CORO1C: variants seen among roughly 807,000 people sequenced by gnomAD.
CORO1C encodes the protein coronin 1C.
CORO1C carries 14 observed loss-of-function variants against 51.2 expected under a neutral mutation model. That is an observed-to-expected ratio of 0.27 (90% CI 0.18 to 0.43). CORO1C has a LOEUF of 0.43. Ranked by LOEUF, CORO1C falls within the 20% of genes least tolerant of loss-of-function variation. The pLI, the probability that CORO1C is intolerant of heterozygous loss-of-function variation, is 1.00. For missense variants in CORO1C, 417 were observed against 607.8 expected (o/e 0.69, Z 3.30); for synonymous variants, 181 against 210.5 (o/e 0.86, Z 1.21).
At chr12:108,660,383 G>A (rs1264832203) in intron 4 of CORO1C, among the ~76,000 whole-genome samples, 3 of 151,178 alleles carry the variant, frequency 2.0e-5, no homozygotes, top group East Asian at 1.9e-4. Context: ...CTCAGGAGGC[G>A]GAGGTTGCGG....
chr12:108,663,103 A>G (rs1220659368), intron 3 of CORO1C, among the ~76,000 whole-genome samples: 1 of 152,264 alleles, frequency 6.6e-6, no homozygotes, highest in Non-Finnish European at 1.5e-5. Context: ...CAGAAATGCA[A>G]ATCAAAACCA....
intron 2 of CORO1C, among the ~76,000 whole-genome samples, chr12:108,695,851 TAA>T (rs924887183): frequency 1.6e-4 from 10 of 62,444 alleles, no homozygotes; most frequent in African/African-American, 2.8e-4. Flanking sequence ...TTGGGAGAAC[TAA>T]AAAAAAAAAA....
At chr12:108,651,367 C>G (rs1350790442) in intron 8 of CORO1C, among the ~76,000 whole-genome samples, 1 of 152,116 alleles carries the variant, frequency 6.6e-6, no homozygotes, top group Non-Finnish European at 1.5e-5. Context: ...TGTTGACTAG[C>G]ATGAGAAAAA....
At chr12:108,729,066 T>C (rs2035655670) in intron 1 of CORO1C, among the ~76,000 whole-genome samples, 1 of 152,144 alleles carries the variant, frequency 6.6e-6, no homozygotes. Flanking sequence ...GAAATTAAAA[T>C]TTTGCCATCA....
At chr12:108,720,602 C>A (rs1299096998) in intron 1 of CORO1C, among the ~76,000 whole-genome samples, 1 of 151,990 alleles carries the variant, frequency 6.6e-6, no homozygotes, top group East Asian at 1.9e-4. Context: ...CAGTTCACTG[C>A]AAGCTCTGTC....
At chr12:108,652,545 T>G (rs917839485) in intron 7 of CORO1C, 128 bp from the exon 8 acceptor site, 1 of 705,620 alleles carries the variant, frequency 1.4e-6, no homozygotes. Flanking sequence ...CTTTTCTTCC[T>G]CATAAAGAGG....
intron 1 of CORO1C, among the ~76,000 whole-genome samples, chr12:108,724,251 T>C (rs1381548078): frequency 6.6e-6 from 1 of 152,184 alleles, no homozygotes; most frequent in African/African-American, 2.4e-5. Flanking sequence ...CAAAAGAGCA[T>C]GACGAAAGGC....
At chr12:108,675,332 T>A (rs2033868221) in intron 3 of CORO1C, among the ~76,000 whole-genome samples, 1 of 152,132 alleles carries the variant, frequency 6.6e-6, no homozygotes, top group Non-Finnish European at 1.5e-5. Flanking sequence ...AATCTATCTA[T>A]CAAAGACTCA....
chr12:108,649,712 T>C (rs2032553114), intron 8 of CORO1C: 4 of 152,364 alleles, frequency 2.6e-5, no homozygotes, highest in African/African-American at 9.6e-5. Flanking sequence ...TCTCTTATGA[T>C]GACCCTGATA....
At chr12:108,700,648 C>T (rs1168863552) in intron 2 of CORO1C, among the ~76,000 whole-genome samples, 1 of 149,724 alleles carries the variant, frequency 6.7e-6, no homozygotes, top group African/African-American at 2.5e-5. Context: ...CCATTTCCAA[C>T]TCAAAAAAAA....
chr12:108,648,871 C>T (rs552750798), intron 9 of CORO1C, 21 bp from the exon 10 acceptor site: 1 of 1,613,792 alleles, frequency 6.2e-7, no homozygotes, highest in Non-Finnish European at 8.5e-7. Context: ...CATTTGGCAC[C>T]CGTGGGTAAG....
rs368890006 is a variant in CORO1C at position 108,657,413 on chromosome 12, T to C, written c.641A>G (p.Lys214Arg). The change falls in exon 6 of 11, where the codon AAA becomes AGA. Residue 214 changes from lysine to arginine, a missense_variant. Lys to Arg is a conservative substitution (Grantham distance 26). Coordinates refer to ENST00000261401, the MANE Select transcript of CORO1C (RefSeq NM_014325.4). ...RKQEIVAEKEKAHEGARPMRA... is the reference protein window; with the variant it reads ...RKQEIVAEKERAHEGARPMRA... ...CATGGGTCTTGCTCCTTCATGTGCTTTCTCCTTCTCCTGGAGAGCAAAAAG... is the reference window on the plus strand; with the variant it reads ...CATGGGTCTTGCTCCTTCATGTGCTCTCTCCTTCTCCTGGAGAGCAAAAAG... 5 of 1,612,862 alleles carry C rather than the reference T, an allele frequency of 3.1e-6. No homozygotes were observed. The highest frequency in any genetic ancestry group is 4.2e-6 in the Non-Finnish European group (5 of 1,179,390).
At chr12:108,691,713 G>A (rs1210799799) in intron 2 of CORO1C, among the ~76,000 whole-genome samples, 1 of 152,182 alleles carries the variant, frequency 6.6e-6, no homozygotes, top group East Asian at 1.9e-4. Context: ...GGCCATATAT[G>A]GTAAAAACCA....
At chr12:108,688,722 C>T (rs1378309631) in intron 2 of CORO1C, among the ~76,000 whole-genome samples, 1 of 150,630 alleles carries the variant, frequency 6.6e-6, no homozygotes, top group Non-Finnish European at 1.5e-5. Flanking sequence ...GCCTGGCCAA[C>T]ACGGTGAAAC....
At chr12:108,717,474 G>T (rs188887301) in intron 1 of CORO1C, among the ~76,000 whole-genome samples, 5 of 152,208 alleles carry the variant, frequency 3.3e-5, no homozygotes, top group African/African-American at 1.2e-4. Flanking sequence ...GGATCTGCAC[G>T]TGGGAGCATC....
At chr12:108,723,351 T>C (rs1007993344) in intron 1 of CORO1C, among the ~76,000 whole-genome samples, 6 of 152,220 alleles carry the variant, frequency 3.9e-5, no homozygotes, top group African/African-American at 1.4e-4. Context: ...TGCTTGACCA[T>C]TACGAAAAGG....
chr12:108,659,862 A>C (rs937978783), intron 4 of CORO1C, among the ~76,000 whole-genome samples: 2 of 152,264 alleles, frequency 1.3e-5, no homozygotes, highest in African/African-American at 4.8e-5. Context: ...TGAGAAGCCC[A>C]AACTGTAATC....
intron 3 of CORO1C, among the ~76,000 whole-genome samples, chr12:108,674,775 C>T (rs1202750805): frequency 6.6e-6 from 1 of 152,190 alleles, no homozygotes; most frequent in Middle Eastern, 3.4e-3. Context: ...AAAACTTGAA[C>T]AGATGAGGAG....
intron 1 of CORO1C, among the ~76,000 whole-genome samples, chr12:108,712,060 G>A (rs2035197169): frequency 1.3e-5 from 2 of 152,246 alleles, no homozygotes; most frequent in South Asian, 2.1e-4. Flanking sequence ...GGCAGAGAAT[G>A]CTCCCTCAGC....
Sources: gnomAD v4.1 joint callset for allele counts (sites outside exome capture counted in the v4.1 genomes callset) on GRCh38, gnomAD v4.1.1 for gene constraint, MANE v1.5 for transcripts, NCBI Gene and HGNC (gene_info 2026-07-23, HGNC 2026-07-21) for gene names.